The following ALB variants were observed in gnomAD, a reference collection of about 807,000 sequenced individuals.
The protein encoded by ALB is albumin, also known as serum albumin.
A neutral mutation model predicts 74.5 loss-of-function variants in ALB; 37 were observed. The observed-to-expected ratio is 0.50, with a 90% confidence interval of 0.38 to 0.65. ALB has a LOEUF of 0.65. Among genes scored for constraint, ALB ranks in the 30% least tolerant of loss-of-function variants. ALB has a pLI of 0.00. For missense variants in ALB, 685 were observed against 718.7 expected (o/e 0.95, Z 0.54); for synonymous variants, 249 against 251.6 (o/e 0.99, Z 0.10).
intron 2 of ALB, among the ~76,000 whole-genome samples, chr4:73,405,494 G>A (rs1439236069): frequency 6.6e-6 from 1 of 152,112 alleles, no homozygotes; most frequent in African/African-American, 2.4e-5. Flanking sequence ...TCTGGAACTT[G>A]CTTGGTGGAA....
At chr4:73,409,120 T>C in intron 4 of ALB, 1 of 595,942 alleles carries the variant, frequency 1.7e-6, no homozygotes, top group Non-Finnish European at 2.9e-6. Context: ...GTCAGCAACA[T>C]TATATTGCCA....
intron 5 of ALB, among the ~76,000 whole-genome samples, chr4:73,410,028 C>T (rs147371475): frequency 1.7e-3 from 257 of 152,166 alleles, no homozygotes; most frequent in African/African-American, 5.9e-3. Context: ...GGGATATTAG[C>T]GTACTCTTTC....
rs76285851 is a variant in ALB at position 73,405,117 on chromosome 4, C to G, written c.81C>G (p.His27Gln). 1 of 1,613,570 alleles carries G rather than the reference C, an allele frequency of 6.2e-7. No individual in the cohort carries two copies. Among genetic ancestry groups the G allele is most frequent in the East Asian group, 2.2e-5 (1 of 44,810 alleles). Residue 27 changes from histidine to glutamine, a missense_variant and splice_region_variant, in exon 2 of 15, where the codon CAC (histidine) becomes CAG (glutamine). Transcript: ENST00000295897. ...YSRGVFRRDA[H>Q]KSEVAHRFKD... The stretch of plus-strand genomic sequence containing the variant: ...CCTTTTTTTTCTTCCCTTGCCCAGA[C>G]AAGAGTGAGGTTGCTCATCGGTTTA...
intron 11 of ALB, 94 bp downstream of exon 11, chr4:73,417,763 G>C: frequency 3.5e-6 from 4 of 1,153,242 alleles, no homozygotes; most frequent in Non-Finnish European, 4.9e-6. Flanking sequence ...AGGAAGTAAT[G>C]TGTGTGTGTG....
At chr4:73,411,618 C>A (rs1718879042) in intron 6 of ALB, among the ~76,000 whole-genome samples, 1 of 152,210 alleles carries the variant, frequency 6.6e-6, no homozygotes, top group African/African-American at 2.4e-5. Context: ...GTTGTCATGA[C>A]ACTGCAGAGG....
chr4:73,417,636 T>G lies in ALB; in HGVS notation c.1395T>G (p.Pro465=), dbSNP rs1277529213. ...GKVGSKCCKH[P]EAKRMPCAED... ...TGGGCAGCAAATGTTGTAAACATCC[T>G]GAAGCAAAAAGAATGCCCTGTGCAG... Residue 465 remains proline (P), a synonymous_variant, in exon 11 of 15, where the codon CCT becomes CCG. Coordinates refer to ENST00000295897, the MANE Select transcript of ALB (RefSeq NM_000477.7). The G allele has an allele frequency of 3.1e-6, 5 of 1,613,822 alleles. No homozygotes were observed. In the Admixed American group the frequency reaches 8.3e-5, roughly 27 times the overall value.
chr4:73,406,880 C>G (rs778723170), intron 3 of ALB, 119 bp downstream of exon 3: 1 of 1,226,832 alleles, frequency 8.2e-7, no homozygotes, highest in Non-Finnish European at 1.1e-6. Context: ...GTAAGAAACA[C>G]TAAAAAGTTG....
chr4:73,407,693 T>C (rs566368897), intron 3 of ALB, among the ~76,000 whole-genome samples: 4 of 152,342 alleles, frequency 2.6e-5, no homozygotes, highest in Admixed American at 6.5e-5. Flanking sequence ...ATATTCCTCA[T>C]TTTAGATATC....
Position 73,418,231 on chromosome 4 carries a change from A to G in ALB, c.1572A>G (p.Lys524=), listed in dbSNP as rs1203326956. Residue 524 remains lysine, a synonymous_variant, in exon 12 of 15, where the codon AAA becomes AAG. Transcript: ENST00000295897. ...ALEVDETYVP[K]EFNAETFTFH... Reference sequence around the variant, plus strand: ...AAGTCGATGAAACATACGTTCCCAAAGAGTTTAATGCTGAAACATTCACCT... The same window carrying G: ...AAGTCGATGAAACATACGTTCCCAAGGAGTTTAATGCTGAAACATTCACCT... The G allele has an allele frequency of 5.0e-6, 8 of 1,614,042 alleles. No individual in the cohort carries two copies. Among genetic ancestry groups the G allele is most frequent in the Non-Finnish European group, 6.8e-6 (8 of 1,180,018 alleles).
intron 2 of ALB, among the ~76,000 whole-genome samples, chr4:73,405,849 A>C (rs925195099): frequency 6.6e-6 from 1 of 151,906 alleles, no homozygotes; most frequent in Non-Finnish European, 1.5e-5. Context: ...CGGCCTCCCA[A>C]AGTGCTGGGA....
chr4:73,414,509 G>T (rs1221887597), intron 8 of ALB, among the ~76,000 whole-genome samples: 1 of 152,080 alleles, frequency 6.6e-6, no homozygotes. Flanking sequence ...TGTTGCCCAG[G>T]CTGGAGTGCA....
At chr4:73,408,553 A>T in intron 3 of ALB, 41 bp from the exon 4 acceptor site, 1 of 1,552,316 alleles carries the variant, frequency 6.4e-7, no homozygotes, top group Non-Finnish European at 8.9e-7. Flanking sequence ...TAAAGAAAAA[A>T]GGTACTGTCC....
Position 73,410,302 on chromosome 4 carries a change from CT to C in ALB, c.616-5del. ...TCTTCTAATTTTCATCAAATTATTC[CT>C]TTTTGTAGCTCGATGAACTTCGGGA... is the stretch of plus-strand genomic sequence containing the variant. On this transcript the variant is annotated splice_polypyrimidine_tract_variant and intron_variant, in intron 5 of 14. Coordinates refer to ENST00000295897, the MANE Select transcript of ALB (RefSeq NM_000477.7). The C allele has an allele frequency of 6.2e-7, 1 of 1,610,298 alleles. No homozygotes were observed. Among genetic ancestry groups the C allele is most frequent in the Non-Finnish European group, 8.5e-7 (1 of 1,176,674 alleles).
chr4:73,409,864 A>C (rs1468179161), intron 5 of ALB, among the ~76,000 whole-genome samples: 2 of 152,118 alleles, frequency 1.3e-5, no homozygotes, highest in Non-Finnish European at 2.9e-5. Context: ...AGAGAATTTT[A>C]CTGCATCTAG....
At chr4:73,414,286 T>C (rs1188414116) in intron 8 of ALB, among the ~76,000 whole-genome samples, 3 of 152,224 alleles carry the variant, frequency 2.0e-5, no homozygotes, top group African/African-American at 7.2e-5. Flanking sequence ...AAAGAGAATA[T>C]TTTAAGAACA....
chr4:73,419,113 AT>A (rs1477077206), intron 12 of ALB, among the ~76,000 whole-genome samples: 2 of 152,144 alleles, frequency 1.3e-5, no homozygotes, highest in African/African-American at 4.8e-5. Flanking sequence ...ATTTTTAAGG[AT>A]CATTTTTAGC....
chr4:73,416,420 C>T, intron 10 of ALB, 67 bp downstream of exon 10: 1 of 1,122,100 alleles, frequency 8.9e-7, no homozygotes, highest in East Asian at 2.5e-5. Flanking sequence ...ATATATGAGC[C>T]ACCTAGCATA....
chr4:73,412,728 A>C (rs1369391091), intron 7 of ALB, among the ~76,000 whole-genome samples: 4 of 152,228 alleles, frequency 2.6e-5, no homozygotes, highest in Non-Finnish European at 2.9e-5. Flanking sequence ...TACAGGCATG[A>C]GCCACCTTGC....
rs767335300 is a variant in ALB, at chr4:73,417,605, G to C, written c.1364G>C (p.Gly455Ala). 1.2e-5 allele frequency: 20 copies of C among 1,613,712 alleles called. No homozygotes were observed. In the Admixed American group the frequency reaches 2.2e-4, roughly 17 times the overall value. The change falls in exon 11 of 15, where the codon GGA becomes GCA. Residue 455 changes from glycine (G) to alanine (A), a missense_variant. Coordinates refer to ENST00000295897, the MANE Select transcript of ALB (RefSeq NM_000477.7). ...PTLVEVSRNL[G>A]KVGSKCCKHP... Reference sequence around the variant, plus strand: ...CTTGTAGAGGTCTCAAGAAACCTAGGAAAAGTGGGCAGCAAATGTTGTAAA... The same window carrying C: ...CTTGTAGAGGTCTCAAGAAACCTAGCAAAAGTGGGCAGCAAATGTTGTAAA...
Sources: gnomAD v4.1 joint callset for allele counts (sites outside exome capture counted in the v4.1 genomes callset) on GRCh38, gnomAD v4.1.1 for gene constraint, MANE v1.5 for transcripts, NCBI Gene and HGNC (gene_info 2026-07-23, HGNC 2026-07-21) for gene names.